The following FDFT1 variants were observed in gnomAD, a reference collection of about 807,000 sequenced individuals.
FDFT1 encodes farnesyl-diphosphate farnesyltransferase 1.
A neutral mutation model predicts 46.8 loss-of-function variants in FDFT1; 68 were observed. The observed-to-expected ratio is 1.45, with a 90% confidence interval of 1.19 to 1.78. FDFT1 has a LOEUF of 1.78. Among genes scored for constraint, FDFT1 ranks in the 40% most tolerant of loss-of-function variants. The pLI, the probability that FDFT1 is intolerant of heterozygous loss-of-function variation, is 0.00. For missense variants in FDFT1, 928 were observed against 524.4 expected (o/e 1.77, Z -7.52); for synonymous variants, 351 against 185.1 (o/e 1.90, Z -7.28).
chr8:11,799,938 C>G (rs1199449537), upstream of FDFT1, among the ~76,000 whole-genome samples: 1 of 110,688 alleles, frequency 9.0e-6, no homozygotes, highest in African/African-American at 3.7e-5. Context: ...GAGTGAGACT[C>G]CATTTAAAAA....
chr8:11,838,753 A>C lies in FDFT1; in HGVS notation c.*144A>C, dbSNP rs1197080757. On this transcript the variant is annotated 3_prime_UTR_variant, in exon 8 of 8. Transcript: ENST00000220584. ...TGTGGCTGGGACCTTTAGGAAAGTGAAATGCAGGTGAGAAGAACCTAAACA... is the reference window on the plus strand; with the variant it reads ...TGTGGCTGGGACCTTTAGGAAAGTGCAATGCAGGTGAGAAGAACCTAAACA... 1.6e-5 allele frequency: 11 copies of C among 697,398 alleles called. No homozygotes were observed. Among genetic ancestry groups the C allele is most frequent in the East Asian group, 2.7e-5 (1 of 36,936 alleles). 43.2% of individuals were successfully genotyped at this position (697,398 alleles called of 1,614,324 possible).
chr8:11,800,096 C>G (rs1031537006), upstream of FDFT1, among the ~76,000 whole-genome samples: 3 of 149,978 alleles, frequency 2.0e-5, no homozygotes, highest in African/African-American at 7.4e-5. Flanking sequence ...CCTGTCTCTA[C>G]TAAAAATCGA....
Position 11,839,046 on chromosome 8 carries a change from C to T in FDFT1, c.*437C>T, listed in dbSNP as rs1811968666. 5.7e-6 allele frequency: 1 copy of T among 174,050 alleles called. No individual in the cohort carries two copies. Among genetic ancestry groups the T allele is most frequent in the Non-Finnish European group, 1.2e-5 (1 of 80,468 alleles). 10.8% of individuals were successfully genotyped at this position (174,050 alleles called of 1,614,324 possible). A position where few individuals can be genotyped will look rare whatever the true frequency, so the allele number is the denominator to read the frequency against. ...CCTATTTTTCTCATCATTTTGTTTT[C>T]TTTAATTGGGTTGAATGGAGTAGAT... On this transcript the variant is annotated 3_prime_UTR_variant, in exon 8 of 8. Transcript: ENST00000220584.
At chr8:11,826,531 C>T (rs562907261) in intron 5 of FDFT1, among the ~76,000 whole-genome samples, 2 of 152,242 alleles carry the variant, frequency 1.3e-5, no homozygotes, top group African/African-American at 4.8e-5. Context: ...TGGCTTTGTT[C>T]GGCCTGGCGC....
At chr8:11,809,208 A>G in intron 2 of FDFT1, 1 of 1,193,384 alleles carries the variant, frequency 8.4e-7, no homozygotes, top group Non-Finnish European at 1.0e-6. Context: ...CCAACTTTGC[A>G]TTTCTATTTC....
At chr8:11,817,271 C>G (rs1808587041) in intron 3 of FDFT1, among the ~76,000 whole-genome samples, 1 of 152,148 alleles carries the variant, frequency 6.6e-6, no homozygotes, top group Non-Finnish European at 1.5e-5. Context: ...TTCAATTTGC[C>G]ATTATTTTAT....
intron 5 of FDFT1, among the ~76,000 whole-genome samples, chr8:11,828,841 T>TTTA (rs1203004617): frequency 6.6e-6 from 1 of 152,252 alleles, no homozygotes; most frequent in Admixed American, 6.5e-5. Flanking sequence ...GCATCACTGC[T>TTTA]TTATTCCTTT....
chr8:11,799,540 T>C (rs1805892032), upstream of FDFT1, among the ~76,000 whole-genome samples: 1 of 152,254 alleles, frequency 6.6e-6, no homozygotes, highest in Admixed American at 6.5e-5. Flanking sequence ...ATCTCTGTTT[T>C]AATGTTAATG....
upstream of FDFT1, among the ~76,000 whole-genome samples, chr8:11,800,791 A>AAATGGGGAGG (rs1334754189): frequency 1.3e-5 from 2 of 152,230 alleles, no homozygotes; most frequent in Non-Finnish European, 2.9e-5. Flanking sequence ...ATTCCTAATT[A>AAATGGGGAGG]AATGGGGAGG....
rs187887205 is a variant in FDFT1, at chr8:11,815,977, C to T, written c.382-5773C>T. On this transcript the variant is annotated intron_variant, in intron 3 of 7. Coordinates refer to ENST00000220584, the MANE Select transcript of FDFT1 (RefSeq NM_004462.5). ...TCCTGAATGGTATTGACTGCATTTTCTTCTAGGGTTTTTACGGTTTTAGGC... is the reference window on the plus strand; with the variant it reads ...TCCTGAATGGTATTGACTGCATTTTTTTCTAGGGTTTTTACGGTTTTAGGC... Among the ~76,000 whole-genome samples, 448 of 152,278 alleles carry T rather than the reference C, an allele frequency of 2.9e-3. 5 individuals are homozygous for T. Among genetic ancestry groups the T allele is most frequent in the Non-Finnish European group, 2.9e-3 (194 of 68,018 alleles).
At chr8:11,807,450 A>C (rs555482751) in intron 1 of FDFT1, among the ~76,000 whole-genome samples, 2 of 152,314 alleles carry the variant, frequency 1.3e-5, no homozygotes, top group Admixed American at 6.5e-5. Context: ...GGCGTGCGCC[A>C]CTGCACCCGG....
chr8:11,795,583 G>C (rs1033914484), exon 1 of FDFT1: 1 of 94,832 alleles, frequency 1.1e-5, no homozygotes, highest in African/African-American at 4.1e-5. Flanking sequence ...AAAAACGGTG[G>C]CAACACGCTG....
chr8:11,819,531 C>G (rs552135736), intron 3 of FDFT1, among the ~76,000 whole-genome samples: 5 of 151,560 alleles, frequency 3.3e-5, no homozygotes, highest in South Asian at 2.1e-4. Context: ...TTATTGAAGC[C>G]TTTGTTCATT....
chr8:11,808,331 CAGCGGGAGGAGGCGCCGGTGCGG>C, intron 1 of FDFT1: 2 of 1,233,548 alleles, frequency 1.6e-6, no homozygotes, highest in Non-Finnish European at 2.0e-6. Flanking sequence ...AGAAGGGCAA[CAGCGGGAGGAGGCGCCGGTGCGG>C]AGCGGGAGGC....
At chr8:11,814,533 A>G (rs1406925859) in intron 3 of FDFT1, among the ~76,000 whole-genome samples, 8 of 152,182 alleles carry the variant, frequency 5.3e-5, no homozygotes. Context: ...TTGCAGTATT[A>G]TCTGTAGGCT....
chr8:11,828,543 C>T (rs928701937), intron 5 of FDFT1, among the ~76,000 whole-genome samples: 14 of 152,236 alleles, frequency 9.2e-5, no homozygotes, highest in African/African-American at 3.1e-4. Context: ...GTTCCATTGT[C>T]TCCCAGACAG....
intron 4 of FDFT1, among the ~76,000 whole-genome samples, chr8:11,823,939 T>A (rs1284983347): frequency 6.6e-6 from 1 of 151,952 alleles, no homozygotes; most frequent in Non-Finnish European, 1.5e-5. Flanking sequence ...AGAGACAGGG[T>A]TTCATCGTGT....
chr8:11,813,023 G>A (rs1484640640), intron 3 of FDFT1, among the ~76,000 whole-genome samples: 2 of 145,886 alleles, frequency 1.4e-5, no homozygotes, highest in Non-Finnish European at 1.5e-5. Context: ...TAGGCTCTGT[G>A]GTACAGGCCA....
Position 11,809,691 on chromosome 8 carries a change from G to C in FDFT1, c.222G>C (p.Leu74=), listed in dbSNP as rs748468392. The change falls in exon 3 of 8, where the codon CTG becomes CTC. Residue 74 remains leucine (L), a synonymous_variant. Coordinates refer to ENST00000220584, the MANE Select transcript of FDFT1 (RefSeq NM_004462.5). ...GCAACGCAGTGTGCATATTTTATCT[G>C]GTTCTCCGAGCTCTGGACACACTGG... The part of the protein sequence containing the change: ...EMRNAVCIFY[L]VLRALDTLED... 24 of 1,613,038 alleles carry C rather than the reference G, an allele frequency of 1.5e-5. No homozygotes were observed. Among genetic ancestry groups the C allele is most frequent in the Non-Finnish European group, 1.9e-5 (23 of 1,179,638 alleles).
Sources: gnomAD v4.1 joint callset for allele counts (sites outside exome capture counted in the v4.1 genomes callset) on GRCh38, gnomAD v4.1.1 for gene constraint, MANE v1.5 for transcripts, NCBI Gene and HGNC (gene_info 2026-07-23, HGNC 2026-07-21) for gene names.